The following TAB2 variants were observed in gnomAD, a reference collection of about 807,000 sequenced individuals.
TAB2 encodes TGF-beta activated kinase 1 (MAP3K7) binding protein 2, also known as TGF-beta-activated kinase 1 and MAP3K7-binding protein 2.
In TAB2, 3 loss-of-function variants were observed where a neutral mutation model predicts 65.0. That is an observed-to-expected ratio of 0.05 (90% CI 0.02 to 0.12). The LOEUF (loss-of-function observed/expected upper bound fraction) is 0.12, where lower values mean the gene tolerates loss of function less well. Ranked by LOEUF, TAB2 falls within the 10% of genes least tolerant of loss-of-function variation. The pLI is 1.00. For synonymous variants in TAB2, 298 were observed against 285.1 expected, an observed-to-expected ratio of 1.05 and a Z score of -0.46; for missense variants, 623 against 840.3, an observed-to-expected ratio of 0.74 and a Z score of 3.20.
At chr6:149,316,863 C>G (rs1172628668), upstream of TAB2, among the ~76,000 whole-genome samples, 1 of 152,038 alleles carries the variant, frequency 6.6e-6, no homozygotes, top group Admixed American at 6.5e-5. Context: ...TCGAAGTTGC[C>G]AGTTGTGAGG....
At chr6:149,376,538 A>G (rs1045198868) in intron 2 of TAB2, among the ~76,000 whole-genome samples, 2 of 152,176 alleles carry the variant, frequency 1.3e-5, no homozygotes, top group African/African-American at 2.4e-5. Context: ...CTCTTCACCA[A>G]GAATTGTTGT....
chr6:149,365,450 C>T (rs927667550), intron 1 of TAB2, among the ~76,000 whole-genome samples: 2 of 152,070 alleles, frequency 1.3e-5, no homozygotes, highest in Non-Finnish European at 2.9e-5. Context: ...TCTTTCAGCA[C>T]TTATATTATG....
chr6:149,313,185 A>G (rs1016137074), upstream of TAB2, among the ~76,000 whole-genome samples: 1 of 151,876 alleles, frequency 6.6e-6, no homozygotes, highest in Non-Finnish European at 1.5e-5. Context: ...TTTTTTTGAG[A>G]CAGGGTCTCA....
chr6:149,232,105 C>T (rs1031452528), intron 1 of TAB2, among the ~76,000 whole-genome samples: 3 of 152,202 alleles, frequency 2.0e-5, no homozygotes, highest in Middle Eastern at 3.4e-3. Flanking sequence ...ACAAGACGTG[C>T]GCTAGAAAGA....
At chr6:149,334,504 C>A (rs1486402864) in intron 1 of TAB2, among the ~76,000 whole-genome samples, 1 of 152,008 alleles carries the variant, frequency 6.6e-6, no homozygotes, top group Non-Finnish European at 1.5e-5. Flanking sequence ...CATAGCAAGA[C>A]CCCATCTCTA....
chr6:149,400,579 G>T (rs1782347759), intron 6 of TAB2: 4 of 1,614,220 alleles, frequency 2.5e-6, no homozygotes, highest in Non-Finnish European at 3.4e-6. Context: ...TTCCGATTTG[G>T]TGGGCAACCA....
intron 1 of TAB2, among the ~76,000 whole-genome samples, chr6:149,358,136 G>T (rs577620031): frequency 5.0e-4 from 76 of 152,292 alleles, no homozygotes; most frequent in African/African-American, 1.4e-3. Flanking sequence ...TATAAGTTGA[G>T]TATCCCTTAT....
intron 1 of TAB2, among the ~76,000 whole-genome samples, chr6:149,324,199 C>T (rs1364919715): frequency 6.6e-6 from 1 of 151,968 alleles, no homozygotes; most frequent in Admixed American, 6.6e-5. Context: ...TGGAAAGGTC[C>T]TGCAGAGAGA....
intron 5 of TAB2, 118 bp downstream of exon 5, chr6:149,398,180 G>A (rs1782239884): frequency 2.4e-6 from 2 of 838,436 alleles, no homozygotes; most frequent in Non-Finnish European, 3.9e-6. Flanking sequence ...TGTGGCTTTG[G>A]AGCCAGACAG....
chr6:149,241,941 G>GC (rs1266731423), intron 1 of TAB2, among the ~76,000 whole-genome samples: 1 of 152,092 alleles, frequency 6.6e-6, no homozygotes, highest in Non-Finnish European at 1.5e-5. Flanking sequence ...GCTCCTGGGG[G>GC]CCCCGAGGTC....
chr6:149,389,664 AAG>A (rs1288196265), intron 3 of TAB2, among the ~76,000 whole-genome samples: 1 of 142,646 alleles, frequency 7.0e-6, no homozygotes, highest in African/African-American at 2.5e-5. Context: ...AAAAAAAAAA[AAG>A]GTATAAACCT....
chr6:149,285,218 T>TG (rs1778655033), intron 1 of TAB2, among the ~76,000 whole-genome samples: 1 of 152,212 alleles, frequency 6.6e-6, no homozygotes, highest in South Asian at 2.1e-4. Flanking sequence ...CAACAGGGTA[T>TG]GGGGTAGTCT....
chr6:149,313,401 G>T (rs1779198291), upstream of TAB2, among the ~76,000 whole-genome samples: 1 of 152,148 alleles, frequency 6.6e-6, no homozygotes, highest in Non-Finnish European at 1.5e-5. Context: ...GGTTTGCCTA[G>T]CTTGCTGACC....
At chr6:149,301,379 A>AT (rs756163930) in intron 1 of TAB2, among the ~76,000 whole-genome samples, 5 of 152,250 alleles carry the variant, frequency 3.3e-5, no homozygotes, top group Non-Finnish European at 5.9e-5. Flanking sequence ...AAACTGGAGT[A>AT]TTAAGGGAAT....
In TAB2 at chr6:149,387,288, C is replaced by T. The variant is rs114191275; in HGVS notation, c.1603+7770C>T. ...ATCCATTCTGATGCAATTTCTATAT[C>T]ATGGCATGAAGTAAGAATCCAACTT... On this transcript the variant is annotated intron_variant, in intron 3 of 6. Transcript: ENST00000637181. 9.0e-3 allele frequency among the ~76,000 whole-genome samples: 1,367 copies of T among 152,254 alleles called. 21 individuals are homozygous for T. Among genetic ancestry groups the T allele is most frequent in the African/African-American group, 0.03 (1,267 of 41,552 alleles).
intron 1 of TAB2, among the ~76,000 whole-genome samples, chr6:149,257,189 C>CGTG (rs1199301286): frequency 1.4e-4 from 22 of 152,274 alleles, no homozygotes; most frequent in Admixed American, 3.9e-4. Context: ...TCTTACAACA[C>CGTG]CCAGTAAGCA....
At chr6:149,357,763 G>A (rs1044269230) in intron 1 of TAB2, among the ~76,000 whole-genome samples, 4 of 151,172 alleles carry the variant, frequency 2.6e-5, no homozygotes, top group African/African-American at 4.9e-5. Context: ...GCAATGGTGC[G>A]ATCTTGGCTC....
At chr6:149,392,114 A>G (rs1261450676) in intron 3 of TAB2, among the ~76,000 whole-genome samples, 2 of 107,486 alleles carry the variant, frequency 1.9e-5, no homozygotes, top group Admixed American at 1.3e-4. Flanking sequence ...TTTCACATTC[A>G]TATCAGATTT....
chr6:149,371,093 G>A (rs511100), intron 2 of TAB2, among the ~76,000 whole-genome samples: 50,457 of 136,986 alleles, frequency 0.37, 9,426 homozygotes, highest in East Asian at 0.61. Context: ...AAAAAAAAGT[G>A]TCCGGGGCTC....
Sources: gnomAD v4.1 joint callset for allele counts (sites outside exome capture counted in the v4.1 genomes callset) on GRCh38, gnomAD v4.1.1 for gene constraint, MANE v1.5 for transcripts, NCBI Gene and HGNC (gene_info 2026-07-23, HGNC 2026-07-21) for gene names.